Variants in GNG7 observed in about 807,000 individuals in gnomAD.
The protein encoded by GNG7 is guanine nucleotide-binding protein G(I)/G(S)/G(O) subunit gamma-7.
A neutral mutation model predicts 4.0 loss-of-function variants in GNG7; 1 was observed. The observed-to-expected ratio is 0.25, with a 90% CI of 0.09 to 1.18. The LOEUF (loss-of-function observed/expected upper bound fraction) is 1.18, where lower values mean the gene tolerates loss of function less well. GNG7 is among the 50% of genes most tolerant of loss of function. The pLI is 0.50. For synonymous variants in GNG7, 34 were observed against 36.9 expected (o/e 0.92, Z 0.29); for missense variants, 86 against 91.9 (o/e 0.94, Z 0.26).
At chr19:2,570,049 C>A (rs575823588) in intron 2 of GNG7, among the ~76,000 whole-genome samples, 1 of 149,112 alleles carries the variant, frequency 6.7e-6, no homozygotes, top group Admixed American at 6.8e-5. Context: ...TGGGTTGTGG[C>A]GGGAGGGGGG....
At chr19:2,531,872 C>A (rs1026485208) in intron 3 of GNG7, among the ~76,000 whole-genome samples, 2 of 152,056 alleles carry the variant, frequency 1.3e-5, no homozygotes, top group Non-Finnish European at 2.9e-5. Flanking sequence ...ACCAGCACTG[C>A]CAGGTGCGGT....
chr19:2,605,711 A>G (rs186109130), intron 2 of GNG7, among the ~76,000 whole-genome samples: 10 of 149,194 alleles, frequency 6.7e-5, no homozygotes, highest in Non-Finnish European at 1.0e-4. Flanking sequence ...ACGGGGTTTC[A>G]CCATGTTGGC....
intron 1 of GNG7, among the ~76,000 whole-genome samples, chr19:2,688,489 C>A (rs941781457): frequency 6.6e-6 from 1 of 152,154 alleles, no homozygotes. Flanking sequence ...GGGCACCTCA[C>A]CCCTACGTGT....
chr19:2,561,039 G>A (rs1303721142), intron 2 of GNG7, among the ~76,000 whole-genome samples: 1 of 152,132 alleles, frequency 6.6e-6, no homozygotes, highest in Non-Finnish European at 1.5e-5. Context: ...CTCCCGATGG[G>A]GCAGACGGTG....
Position 2,511,456 on chromosome 19 carries a change from AGAG to A in GNG7, c.*3563_*3565del, listed in dbSNP as rs1474916387. 2 of 152,454 alleles carry A rather than the reference AGAG, an allele frequency of 1.3e-5. No homozygotes were observed. The highest frequency in any genetic ancestry group is 4.8e-5 in the African/African-American group (2 of 41,470). The allele number at this position is 152,454 out of a possible 1,614,324, so 9.4% of individuals were successfully genotyped here. On this transcript the variant is annotated 3_prime_UTR_variant, in exon 5 of 5. Transcript: ENST00000382159. The surrounding 1 kb of genome is among the most constrained non-coding windows in gnomAD (Gnocchi z 6.3). ...TTAGATGGGCAGCGGTTCCGTGGAC[AGAG>A]GAGGAGGCGCGGCTGGCCGGCATAT... is the stretch of plus-strand genomic sequence containing the variant.
At chr19:2,651,274 C>CCT (rs1568274475) in intron 1 of GNG7, among the ~76,000 whole-genome samples, 7 of 85,474 alleles carry the variant, frequency 8.2e-5, no homozygotes, top group African/African-American at 2.9e-4. Context: ...CCTTCCTTCC[C>CCT]TCCCTCCCTC....
In GNG7 at chr19:2,634,309, C is replaced by A. The variant is rs1039657845; in HGVS notation, c.-78+11915G>T. Among the ~76,000 whole-genome samples the A allele has an allele frequency of 3.3e-5, 5 of 152,214 alleles. No homozygotes were observed. Among genetic ancestry groups the A allele is most frequent in the Non-Finnish European group, 7.3e-5 (5 of 68,046 alleles). ...GCGGGGTGCTGAGCAGTATCCCTGGCCTCCACCCACTCCATGCCAGGAGCT... is the reference window on the plus strand; with the variant it reads ...GCGGGGTGCTGAGCAGTATCCCTGGACTCCACCCACTCCATGCCAGGAGCT... On this transcript the variant is annotated intron_variant, in intron 2 of 4. Coordinates refer to ENST00000382159, the MANE Select transcript of GNG7 (RefSeq NM_052847.3). This position sits in a 1 kb window ranked among gnomAD's most constrained non-coding sequence, Gnocchi z 5.3.
chr19:2,638,361 G>T (rs1483025625), intron 2 of GNG7, among the ~76,000 whole-genome samples: 2 of 139,484 alleles, frequency 1.4e-5, no homozygotes, highest in African/African-American at 5.4e-5. Flanking sequence ...GACTCTGTCA[G>T]AAAGAGAAAA....
intron 1 of GNG7, among the ~76,000 whole-genome samples, chr19:2,674,702 C>CT (rs1983550684): frequency 6.6e-6 from 1 of 152,212 alleles, no homozygotes; most frequent in Non-Finnish European, 1.5e-5. Flanking sequence ...TCCCACAGTG[C>CT]TGGGATTACA....
rs1355451019 is a variant in GNG7, at chr19:2,634,781, G to C, written c.-78+11443C>G. On this transcript the variant is annotated intron_variant, in intron 2 of 4. Transcript: ENST00000382159. The surrounding 1 kb of genome is among the most constrained non-coding windows in gnomAD (Gnocchi z 5.3). ...GCTGAAATCTGGTGACCGACCAGGGGGAAATAAACCCGCTCTGACTGGCCG... is the reference window on the plus strand; with the variant it reads ...GCTGAAATCTGGTGACCGACCAGGGCGAAATAAACCCGCTCTGACTGGCCG... Among the ~76,000 whole-genome samples the C allele has an allele frequency of 6.6e-6, 1 of 152,078 alleles. No homozygotes were observed. Among genetic ancestry groups the C allele is most frequent in the Non-Finnish European group, 1.5e-5 (1 of 68,010 alleles).
Position 2,702,334 on chromosome 19 carries a change from C to A in GNG7, c.-135+312G>T, listed in dbSNP as rs145542422. Among the ~76,000 whole-genome samples the A allele has an allele frequency of 1.1e-4, 17 of 149,600 alleles. No homozygotes were observed. In the South Asian group the frequency reaches 1.9e-3, roughly 17 times the overall value. ...CTTCCCCAGCTAACCTCGATCTGCA[C>A]CCCCTGCCCCGTCCCCAGCTAACCT... On this transcript the variant is annotated intron_variant, in intron 1 of 4. Transcript: ENST00000382159.
chr19:2,551,352 C>T (rs958367398), intron 3 of GNG7, among the ~76,000 whole-genome samples: 12 of 152,092 alleles, frequency 7.9e-5, no homozygotes, highest in African/African-American at 2.4e-4. Flanking sequence ...CCTCGGCCAT[C>T]GGCCAGGTTT....
intron 3 of GNG7, among the ~76,000 whole-genome samples, chr19:2,522,751 C>CAA (rs59490251): frequency 9.1e-5 from 4 of 43,866 alleles, no homozygotes; most frequent in African/African-American, 3.9e-4. Context: ...GACTCTGTCT[C>CAA]AAAAAAAAAA....
intron 2 of GNG7, among the ~76,000 whole-genome samples, chr19:2,605,948 C>T (rs1476221444): frequency 1.3e-5 from 2 of 152,162 alleles, no homozygotes; most frequent in Non-Finnish European, 2.9e-5. Flanking sequence ...TCACAGGTTC[C>T]AGACATTTAG....
intron 3 of GNG7, among the ~76,000 whole-genome samples, chr19:2,548,253 C>T (rs561307048): frequency 4.0e-5 from 6 of 150,488 alleles, no homozygotes; most frequent in African/African-American, 7.3e-5. Flanking sequence ...CCGAGGAGGG[C>T]GGATTGCCTG....
At position 2,522,366 on chromosome 19, in the gene GNG7, G is replaced by C. The variant is rs531699563; in HGVS notation, c.-37-1641C>G. Among the ~76,000 whole-genome samples, 3 of 152,244 alleles carry C rather than the reference G, an allele frequency of 2.0e-5. No individual in the cohort carries two copies. The South Asian group carries it at 6.2e-4, about 32-fold the overall frequency. On this transcript the variant is annotated intron_variant, in intron 3 of 4. Coordinates refer to ENST00000382159, the MANE Select transcript of GNG7 (RefSeq NM_052847.3). ...GCGTCTGTGAGCAGTTAATTAAGCC[G>C]CACCCTGTCTCTGTCATAACTCATG...
rs138319284 is a variant in GNG7, at chr19:2,518,323, C to T, written c.81+2285G>A. Among the ~76,000 whole-genome samples, 386 of 152,286 alleles carry T rather than the reference C, an allele frequency of 2.5e-3. 3 individuals carry two copies. Among genetic ancestry groups the T allele is most frequent in the African/African-American group, 8.6e-3 (359 of 41,568 alleles). On this transcript the variant is annotated intron_variant, in intron 4 of 4. Coordinates refer to ENST00000382159, the MANE Select transcript of GNG7 (RefSeq NM_052847.3). ...CAGGGCAGGATGAGTCACCGCCCTC[C>T]GCCCGGGCTGGGGGCTGGCACCCAC...
intron 2 of GNG7, among the ~76,000 whole-genome samples, chr19:2,567,880 C>T (rs947821574): frequency 6.6e-6 from 1 of 152,226 alleles, no homozygotes; most frequent in Non-Finnish European, 1.5e-5. Flanking sequence ...CATCTGTTCC[C>T]GGGCACCACG....
At chr19:2,601,417 G>A (rs957917186) in intron 2 of GNG7, among the ~76,000 whole-genome samples, 1 of 152,092 alleles carries the variant, frequency 6.6e-6, no homozygotes, top group East Asian at 1.9e-4. Context: ...GGCGCGGCTC[G>A]TGCCTATTGC....
Sources: gnomAD v4.1 joint callset for allele counts (sites outside exome capture counted in the v4.1 genomes callset) on GRCh38, gnomAD v4.1.1 for gene constraint, Gnocchi (gnomAD v3.1) non-coding constraint, MANE v1.5 for transcripts, NCBI Gene and HGNC (gene_info 2026-07-23, HGNC 2026-07-21) for gene names.